Variants in L3MBTL4 observed in about 807,000 individuals in gnomAD.
The protein encoded by L3MBTL4 is L3MBTL histone methyl-lysine binding protein 4, also known as lethal(3)malignant brain tumor-like protein 4.
In L3MBTL4, 70 loss-of-function variants were observed where a neutral mutation model predicts 84.5. The observed-to-expected ratio is 0.83, with a 90% CI of 0.68 to 1.01. L3MBTL4 has a LOEUF of 1.01. Among genes scored for constraint, L3MBTL4 ranks in the 50% least tolerant of loss-of-function variants. L3MBTL4 has a pLI of 0.00. For missense variants in L3MBTL4, 715 were observed against 754.8 expected (o/e 0.95, Z 0.62); for synonymous variants, 274 against 259.8 (o/e 1.05, Z -0.52).
chr18:6,044,912 C>G (rs1245358199), intron 16 of L3MBTL4, among the ~76,000 whole-genome samples: 2 of 152,172 alleles, frequency 1.3e-5, no homozygotes, highest in Admixed American at 6.5e-5. Flanking sequence ...TGTGCATTTA[C>G]TTTACATCTC....
intron 4 of L3MBTL4, among the ~76,000 whole-genome samples, chr18:6,274,284 C>A (rs991311652): frequency 3.9e-5 from 6 of 152,152 alleles, no homozygotes; most frequent in South Asian, 2.1e-4. Context: ...GGAGTAGGGC[C>A]CAGCAATCTG....
chr18:6,039,226 C>G lies in L3MBTL4; in HGVS notation c.1444+41655G>C, dbSNP rs185989073. ...AGTAAATTTCTGTTGATAAAGCCAC[C>G]CAGACTGTGGTATTCTGTCTTGGCA... On this transcript the variant is annotated intron_variant, in intron 16 of 18. Coordinates refer to ENST00000317931, the MANE Select transcript of L3MBTL4 (RefSeq NM_001330559.2). 3.8e-3 allele frequency among the ~76,000 whole-genome samples: 580 copies of G among 152,044 alleles called. 9 individuals carry two copies. Among genetic ancestry groups the G allele is most frequent in the Non-Finnish European group, 3.7e-3 (250 of 67,990 alleles).
Position 6,093,518 on chromosome 18 carries a change from A to G in L3MBTL4, c.1210T>C (p.Cys404Arg). ...TTCAAGTTCATGTCTGAATACGGGCAGCCAAAAGCACTGGTTTGTATAAAA... is the reference window on the plus strand; with the variant it reads ...TTCAAGTTCATGTCTGAATACGGGCGGCCAAAAGCACTGGTTTGTATAAAA... ...RYSGHHSAFG[C>R]PYSDMNLKKE... The change falls in exon 15 of 19, where the codon TGC becomes CGC. Residue 404 changes from cysteine to arginine, a missense_variant. By Grantham distance (180) the Cys-to-Arg change is radical. Transcript: ENST00000317931. 1 of 1,612,576 alleles carries G rather than the reference A, an allele frequency of 6.2e-7. No individual in the cohort carries two copies. Among genetic ancestry groups the G allele is most frequent in the Non-Finnish European group, 8.5e-7 (1 of 1,179,538 alleles).
At chr18:6,402,547 T>C (rs983471862) in intron 1 of L3MBTL4, among the ~76,000 whole-genome samples, 9 of 152,284 alleles carry the variant, frequency 5.9e-5, no homozygotes, top group South Asian at 2.1e-4. Flanking sequence ...ATTCCAACTT[T>C]AGACAACTTA....
intron 16 of L3MBTL4, among the ~76,000 whole-genome samples, chr18:6,038,189 CA>C (rs1444961775): frequency 1.4e-5 from 2 of 147,250 alleles, no homozygotes; most frequent in Admixed American, 6.8e-5. Flanking sequence ...CTTACTTAGA[CA>C]TATTTTTAAC....
intron 5 of L3MBTL4, among the ~76,000 whole-genome samples, chr18:6,253,588 A>C (rs2048016982): frequency 6.6e-6 from 1 of 152,110 alleles, no homozygotes. Flanking sequence ...AAATTGTCAA[A>C]TTTTCCATAA....
At chr18:6,163,304 T>G (rs1029903530) in intron 13 of L3MBTL4, among the ~76,000 whole-genome samples, 6 of 102,058 alleles carry the variant, frequency 5.9e-5, no homozygotes, top group African/African-American at 2.6e-4. Context: ...TGTGTGTGTG[T>G]GTGGGTGGGT....
intron 1 of L3MBTL4, among the ~76,000 whole-genome samples, chr18:6,411,780 C>T (rs903907049): frequency 6.6e-6 from 1 of 152,160 alleles, no homozygotes; most frequent in South Asian, 2.1e-4. Context: ...TTCCCCCGAT[C>T]CAACATCAGA....
chr18:6,151,499 TCTC>T (rs1458367166), intron 13 of L3MBTL4, among the ~76,000 whole-genome samples: 2 of 152,142 alleles, frequency 1.3e-5, no homozygotes, highest in Non-Finnish European at 2.9e-5. Context: ...TTCAAGCACT[TCTC>T]CTGTCTCAGC....
At chr18:6,151,337 T>C (rs2042885588) in intron 13 of L3MBTL4, among the ~76,000 whole-genome samples, 1 of 152,236 alleles carries the variant, frequency 6.6e-6, no homozygotes, top group Admixed American at 6.5e-5. Flanking sequence ...ATCTGTACTT[T>C]TTTGACTCTG....
intron 16 of L3MBTL4, among the ~76,000 whole-genome samples, chr18:6,027,512 T>C (rs138482952): frequency 2.0e-5 from 3 of 152,366 alleles, no homozygotes; most frequent in East Asian, 1.9e-4. Context: ...TGCATGTGTC[T>C]TTATGGTAGA....
In L3MBTL4 at chr18:6,243,360, C is replaced by T. The variant is rs2047529284; in HGVS notation, c.394G>A (p.Gly132Ser). The T allele has an allele frequency of 6.2e-7, 1 of 1,606,090 alleles. No homozygotes were observed. Among genetic ancestry groups the T allele is most frequent in the African/African-American group, 1.3e-5 (1 of 74,732 alleles). The change falls in exon 7 of 19, where the codon GGT becomes AGT. Residue 132 changes from glycine (G) to serine (S), a missense_variant. Gly to Ser is a moderately conservative substitution (Grantham distance 56). Coordinates refer to ENST00000317931, the MANE Select transcript of L3MBTL4 (RefSeq NM_001330559.2). ...LSCYDFWTNA[G>S]SPDIHPVGWC... is the part of the protein sequence containing the mutation. ...CCTACTGGATGAATGTCAGGGGAAC[C>T]AGCATTGGTCCAAAAATCATAGCAA...
intron 16 of L3MBTL4, chr18:6,030,321 C>T: frequency 2.0e-6 from 2 of 984,862 alleles, no homozygotes; most frequent in Non-Finnish European, 1.2e-6. Flanking sequence ...TAAGCCTTCT[C>T]AAAATTCTGG....
intron 16 of L3MBTL4, among the ~76,000 whole-genome samples, chr18:5,977,220 T>C (rs2052984609): frequency 6.6e-6 from 1 of 152,210 alleles, no homozygotes; most frequent in Non-Finnish European, 1.5e-5. Context: ...CAGGCGGGCA[T>C]GTGCCCTGTG....
intron 1 of L3MBTL4, among the ~76,000 whole-genome samples, chr18:6,385,205 C>T (rs902493791): frequency 2.1e-4 from 32 of 151,882 alleles, no homozygotes; most frequent in Non-Finnish European, 1.3e-4. Flanking sequence ...AGTTCGAGAC[C>T]AGCCTGGGCA....
chr18:6,112,503 G>A (rs1195336518), intron 14 of L3MBTL4, among the ~76,000 whole-genome samples: 1 of 152,128 alleles, frequency 6.6e-6, no homozygotes, highest in Non-Finnish European at 1.5e-5. Flanking sequence ...GCTGCACAGA[G>A]GCCTCTTCCA....
intron 10 of L3MBTL4, among the ~76,000 whole-genome samples, chr18:6,231,857 C>G (rs946391641): frequency 4.6e-5 from 7 of 152,052 alleles, no homozygotes; most frequent in African/African-American, 1.7e-4. Flanking sequence ...TATGATTTTA[C>G]CTCTCCCTTT....
At chr18:6,403,556 A>AT (rs1214647866) in intron 1 of L3MBTL4, among the ~76,000 whole-genome samples, 2 of 152,182 alleles carry the variant, frequency 1.3e-5, no homozygotes, top group African/African-American at 4.8e-5. Context: ...AGTACATATC[A>AT]TTTTACCATA....
In L3MBTL4 at chr18:6,291,694, C is replaced by A. The variant is rs187654263; in HGVS notation, c.127+10209G>T. Among the ~76,000 whole-genome samples the A allele has an allele frequency of 5.2e-3, 799 of 152,228 alleles. 7 individuals carry two copies. The highest frequency in any genetic ancestry group is 0.019 in the African/African-American group (780 of 41,538). Reference sequence around the variant, plus strand: ...CGTATCTCTCACCATACACAGAAATCAAATCAAAATGGATTAAAGACAAAA... The same window carrying A: ...CGTATCTCTCACCATACACAGAAATAAAATCAAAATGGATTAAAGACAAAA... On this transcript the variant is annotated intron_variant, in intron 4 of 18. Transcript: ENST00000317931.
Sources: allele counts gnomAD v4.1 joint callset (sites outside exome capture counted in the v4.1 genomes callset), GRCh38; gene constraint gnomAD v4.1.1; transcripts MANE v1.5; gene names NCBI Gene and HGNC (gene_info 2026-07-23, HGNC 2026-07-21).